The following CNTN5 variants were observed in gnomAD, a reference collection of about 807,000 sequenced individuals.
CNTN5 encodes contactin-5.
Under a neutral mutation model 129.1 loss-of-function variants are expected in CNTN5, and 77 were observed. The ratio of observed to expected loss-of-function variants is 0.60; its 90% confidence interval spans 0.50 to 0.72. The LOEUF (loss-of-function observed/expected upper bound fraction) is 0.72. Ranked by LOEUF, CNTN5 falls within the 30% of genes least tolerant of loss-of-function variation. CNTN5 has a pLI of 0.00. For missense variants in CNTN5, 1,478 were observed against 1,328.8 expected, an observed-to-expected ratio of 1.11 and a Z score of -1.75; for synonymous variants, 509 against 465.6, an observed-to-expected ratio of 1.09 and a Z score of -1.20.
intron 3 of CNTN5, among the ~76,000 whole-genome samples, chr11:99,800,757 T>C (rs1946089918): frequency 6.6e-6 from 1 of 152,180 alleles, no homozygotes; most frequent in Non-Finnish European, 1.5e-5. Context: ...CTTTTTTATT[T>C]TCTAATTGTT....
rs1295505130 is a variant in CNTN5, at chr11:99,936,061, A to G, written c.673+19912A>G. On this transcript the variant is annotated intron_variant, in intron 7 of 24. Coordinates refer to ENST00000524871, the MANE Select transcript of CNTN5 (RefSeq NM_014361.4). ...ATAATGAATCCTATCCCTTCCATCAAATCTATTTCAAGAAAGACACTTTGC... is the reference window on the plus strand; with the variant it reads ...ATAATGAATCCTATCCCTTCCATCAGATCTATTTCAAGAAAGACACTTTGC... Among the ~76,000 whole-genome samples, 8 of 152,276 alleles carry G rather than the reference A, an allele frequency of 5.3e-5. No individual in the cohort carries two copies. The East Asian group carries it at 1.5e-3, about 29-fold the overall frequency.
chr11:99,924,841 G>T (rs1050079772), intron 7 of CNTN5, among the ~76,000 whole-genome samples: 1 of 152,010 alleles, frequency 6.6e-6, no homozygotes, highest in African/African-American at 2.4e-5. Context: ...TTTCAATGCA[G>T]TTGTTTTTGG....
chr11:99,791,398 G>A (rs1263740667), intron 3 of CNTN5, among the ~76,000 whole-genome samples: 4 of 152,034 alleles, frequency 2.6e-5, no homozygotes, highest in African/African-American at 9.7e-5. Flanking sequence ...TATTGAATAG[G>A]GAGACTTTCC....
chr11:99,672,476 G>A (rs1484934732), intron 3 of CNTN5, among the ~76,000 whole-genome samples: 2 of 151,730 alleles, frequency 1.3e-5, no homozygotes, highest in Non-Finnish European at 2.9e-5. Context: ...CCCCCAGAGG[G>A]TGGCTGCAAG....
intron 16 of CNTN5, among the ~76,000 whole-genome samples, chr11:100,247,886 TAA>T (rs1949879691): frequency 1.3e-5 from 2 of 152,138 alleles, no homozygotes; most frequent in South Asian, 4.1e-4. Context: ...TGTAGATGAG[TAA>T]ACCGCATGAT....
At chr11:99,167,945 T>TA (rs980141767) in intron 1 of CNTN5, among the ~76,000 whole-genome samples, 2 of 150,064 alleles carry the variant, frequency 1.3e-5, no homozygotes, top group African/African-American at 5.1e-5. Context: ...TAATGATTTT[T>TA]TTTTTTTGGA....
intron 2 of CNTN5, among the ~76,000 whole-genome samples, chr11:99,326,505 A>T (rs1462698790): frequency 6.6e-6 from 1 of 152,290 alleles, no homozygotes; most frequent in South Asian, 2.1e-4. Flanking sequence ...CTAAATGTGG[A>T]TGTGAGAGCA....
chr11:99,738,383 G>C (rs917633741), intron 3 of CNTN5, among the ~76,000 whole-genome samples: 40 of 152,142 alleles, frequency 2.6e-4, no homozygotes, highest in Admixed American at 2.6e-3. Flanking sequence ...CCAGAACGAT[G>C]AGAAAATAAA....
chr11:99,925,404 A>G (rs1400523877), intron 7 of CNTN5, among the ~76,000 whole-genome samples: 1 of 152,242 alleles, frequency 6.6e-6, no homozygotes, highest in African/African-American at 2.4e-5. Flanking sequence ...CTGAGCACTC[A>G]GCAAACATAG....
At chr11:99,507,533 T>C (rs1591182658) in intron 2 of CNTN5, among the ~76,000 whole-genome samples, 1 of 152,198 alleles carries the variant, frequency 6.6e-6, no homozygotes, top group East Asian at 1.9e-4. Flanking sequence ...AAAAAATGGG[T>C]TGTGATGTGT....
intron 6 of CNTN5, among the ~76,000 whole-genome samples, chr11:99,901,602 A>T (rs1949359384): frequency 6.6e-6 from 1 of 152,052 alleles, no homozygotes; most frequent in Admixed American, 6.6e-5. Flanking sequence ...CTGGTCATAC[A>T]TTTTCTATTC....
intron 1 of CNTN5, among the ~76,000 whole-genome samples, chr11:99,044,061 GA>G (rs1864108267): frequency 1.3e-5 from 2 of 152,122 alleles, no homozygotes; most frequent in Admixed American, 6.5e-5. Flanking sequence ...CTGCAGAGGG[GA>G]AAAAATAGGC....
chr11:99,820,685 C>T (rs1243133957), intron 4 of CNTN5, among the ~76,000 whole-genome samples: 2 of 151,232 alleles, frequency 1.3e-5, no homozygotes, highest in Admixed American at 1.3e-4. Flanking sequence ...GATATTGTTA[C>T]TGCCTTCTAT....
At chr11:99,565,924 C>G (rs920085653) in intron 3 of CNTN5, among the ~76,000 whole-genome samples, 3 of 152,256 alleles carry the variant, frequency 2.0e-5, no homozygotes, top group Admixed American at 6.5e-5. Context: ...TTAGGTCATA[C>G]AGAGTGGTAT....
chr11:99,723,122 C>T (rs1943227131), intron 3 of CNTN5, among the ~76,000 whole-genome samples: 1 of 151,982 alleles, frequency 6.6e-6, no homozygotes, highest in Non-Finnish European at 1.5e-5. Context: ...TATGCTCATA[C>T]TTACTCCCTT....
rs1952562873 is a variant in CNTN5 at position 100,357,977 on chromosome 11, A to G, written c.*1757A>G. 1 of 151,996 alleles carries G rather than the reference A, an allele frequency of 6.6e-6. No individual in the cohort carries two copies. The allele number at this position is 151,996 out of a possible 1,614,324, so 9.4% of individuals were successfully genotyped here. A position where few individuals can be genotyped will look rare whatever the true frequency, so the allele number is the denominator to read the frequency against. On this transcript the variant is annotated 3_prime_UTR_variant, in exon 25 of 25. Transcript: ENST00000524871. ...TGGTAAGTATTTAAGCCTGTAAGTAAGTAATTATGACCAAGTGGCCTTTCT... is the reference window on the plus strand; with the variant it reads ...TGGTAAGTATTTAAGCCTGTAAGTAGGTAATTATGACCAAGTGGCCTTTCT...
At chr11:99,751,326 A>G (rs1048455669) in intron 3 of CNTN5, among the ~76,000 whole-genome samples, 1 of 152,192 alleles carries the variant, frequency 6.6e-6, no homozygotes, top group South Asian at 2.1e-4. Flanking sequence ...AACAGGAGTG[A>G]AACTCCATCT....
chr11:99,777,689 T>C (rs1945172180), intron 3 of CNTN5, among the ~76,000 whole-genome samples: 1 of 151,878 alleles, frequency 6.6e-6, no homozygotes, highest in African/African-American at 2.4e-5. Flanking sequence ...CAAATTCCTA[T>C]TTTTTGAGTG....
chr11:100,152,235 C>A (rs143211837), intron 13 of CNTN5, among the ~76,000 whole-genome samples: 64 of 152,198 alleles, frequency 4.2e-4, no homozygotes, highest in African/African-American at 1.4e-3. Flanking sequence ...AGGCTATGAT[C>A]ATCCAGCAAG....
Sources: gnomAD v4.1 joint callset for allele counts (sites outside exome capture counted in the v4.1 genomes callset) on GRCh38, gnomAD v4.1.1 for gene constraint, MANE v1.5 for transcripts, NCBI Gene and HGNC (gene_info 2026-07-23, HGNC 2026-07-21) for gene names.